The following FAT3 variants were observed in gnomAD, a reference collection of about 807,000 sequenced individuals.
FAT3 encodes protocadherin Fat 3.
Under a neutral mutation model 310.2 loss-of-function variants are expected in FAT3, and 95 were observed. The observed-to-expected ratio is 0.31, with a 90% CI of 0.26 to 0.36. The LOEUF is 0.36. Ranked by LOEUF, FAT3 falls within the 10% of genes least tolerant of loss-of-function variation. FAT3 has a pLI of 1.00. For synonymous variants in FAT3, 2,314 were observed against 2,192.9 expected, an observed-to-expected ratio of 1.06 and a Z score of -1.54; for missense variants, 5,408 against 5,715.6, an observed-to-expected ratio of 0.95 and a Z score of 1.74.
At chr11:92,675,583 C>T (rs1254626329) in intron 3 of FAT3, among the ~76,000 whole-genome samples, 1 of 152,108 alleles carries the variant, frequency 6.6e-6, no homozygotes, top group East Asian at 1.9e-4. Context: ...GTTAAATGTT[C>T]CCAGTAGAGG....
chr11:92,388,757 A>C (rs1026460068), intron 2 of FAT3, among the ~76,000 whole-genome samples: 1 of 152,168 alleles, frequency 6.6e-6, no homozygotes, highest in Non-Finnish European at 1.5e-5. Flanking sequence ...GAATATCCAA[A>C]ATAGTATGGA....
chr11:92,250,161 G>A (rs961320573), intron 1 of FAT3, among the ~76,000 whole-genome samples: 1 of 151,884 alleles, frequency 6.6e-6, no homozygotes, highest in African/African-American at 2.4e-5. Flanking sequence ...GTTTCTTATT[G>A]TTTACAGATA....
At chr11:92,673,291 TTTAAC>T (rs1351201040) in intron 3 of FAT3, among the ~76,000 whole-genome samples, 22 of 152,242 alleles carry the variant, frequency 1.4e-4, no homozygotes, top group African/African-American at 4.3e-4. Context: ...TTATTTATAC[TTTAAC>T]TTAAGTATCC....
intron 17 of FAT3, 103 bp downstream of exon 17, chr11:92,837,909 A>T: frequency 7.2e-7 from 1 of 1,393,350 alleles, no homozygotes; most frequent in South Asian, 1.2e-5. Flanking sequence ...ACTTAATGTC[A>T]TCTCATCCCT....
chr11:92,432,505 C>G (rs1025432713), intron 2 of FAT3, among the ~76,000 whole-genome samples: 1 of 152,172 alleles, frequency 6.6e-6, no homozygotes, highest in African/African-American at 2.4e-5. Context: ...AGTTTTTCTT[C>G]TAACAGTCAG....
At chr11:92,272,591 G>A (rs146777942) in intron 1 of FAT3, among the ~76,000 whole-genome samples, 80 of 152,138 alleles carry the variant, frequency 5.3e-4, no homozygotes, top group Middle Eastern at 6.8e-3. Context: ...ATATTTAAAG[G>A]GGGGAAATCA....
intron 3 of FAT3, among the ~76,000 whole-genome samples, chr11:92,525,999 A>G (rs539803297): frequency 1.4e-4 from 21 of 152,342 alleles, no homozygotes; most frequent in African/African-American, 5.0e-4. Context: ...GAGTGGATCA[A>G]TCATTTTGTT....
intron 2 of FAT3, among the ~76,000 whole-genome samples, chr11:92,487,303 A>T (rs144798111): frequency 6.6e-6 from 1 of 152,176 alleles, no homozygotes; most frequent in Non-Finnish European, 1.5e-5. Flanking sequence ...CAGCACAGGA[A>T]ATAAAACATT....
intron 13 of FAT3, among the ~76,000 whole-genome samples, chr11:92,811,375 T>C (rs1708857075): frequency 6.6e-6 from 1 of 152,050 alleles, no homozygotes; most frequent in African/African-American, 2.4e-5. Context: ...AGCTGAAAGA[T>C]TGGAATTTTT....
chr11:92,367,043 C>G, intron 2 of FAT3: 1 of 504,588 alleles, frequency 2.0e-6, no homozygotes, highest in South Asian at 1.5e-5. Context: ...ACATCTAGCA[C>G]TGTCCGGACG....
At chr11:92,283,968 C>A (rs80015288) in intron 1 of FAT3, among the ~76,000 whole-genome samples, 2 of 152,122 alleles carry the variant, frequency 1.3e-5, no homozygotes, top group African/African-American at 4.8e-5. Context: ...TTTATTAAAT[C>A]TCTTATCTTT....
chr11:92,561,883 C>G (rs1404521268), intron 3 of FAT3, among the ~76,000 whole-genome samples: 1 of 152,158 alleles, frequency 6.6e-6, no homozygotes. Flanking sequence ...ATCTCAGCCT[C>G]CCAAAGTGCT....
intron 2 of FAT3, among the ~76,000 whole-genome samples, chr11:92,467,911 T>C (rs689349): frequency 0.73 from 110,896 of 152,108 alleles, 42,024 homozygotes; most frequent in East Asian, 0.87. Context: ...ACCACTGGGG[T>C]CAGATGTATT....
At position 92,390,597 on chromosome 11, in the gene FAT3, C is replaced by T. The variant is rs76752228; in HGVS notation, c.3292+35193C>T. On this transcript the variant is annotated intron_variant, in intron 2 of 27. Coordinates refer to ENST00000525166, the MANE Select transcript of FAT3 (RefSeq NM_001367949.2). ...GCCCCAAGATTGTGCTGAGCTTTGA[C>T]GTGAACCACTAAGTTTGGGCATTCT... 2.0e-4 allele frequency among the ~76,000 whole-genome samples: 30 copies of T among 152,262 alleles called. No individual in the cohort carries two copies. In the East Asian group the frequency reaches 4.4e-3, roughly 23 times the overall value.
At chr11:92,752,839 C>T (rs371051359) in intron 4 of FAT3, among the ~76,000 whole-genome samples, 15 of 152,180 alleles carry the variant, frequency 9.9e-5, no homozygotes, top group East Asian at 5.8e-4. Flanking sequence ...AATATGCGAT[C>T]GCTCTATCCT....
intron 4 of FAT3, among the ~76,000 whole-genome samples, chr11:92,729,395 A>G (rs562832322): frequency 2.0e-5 from 3 of 151,510 alleles, no homozygotes; most frequent in African/African-American, 7.3e-5. Flanking sequence ...CAGTCATCAC[A>G]CTTATGAACT....
At chr11:92,678,587 G>A (rs1943366768) in intron 3 of FAT3, among the ~76,000 whole-genome samples, 1 of 152,090 alleles carries the variant, frequency 6.6e-6, no homozygotes, top group Non-Finnish European at 1.5e-5. Flanking sequence ...TAGCAAGAAT[G>A]CTGATCTTGA....
chr11:92,352,257 A>G lies in FAT3; in HGVS notation c.145A>G (p.Asn49Asp), dbSNP rs1948588313. 1 of 1,418,882 alleles carries G rather than the reference A, an allele frequency of 7.0e-7. No homozygotes were observed. Among genetic ancestry groups the G allele is most frequent in the South Asian group, 1.1e-5 (1 of 88,526 alleles). 87.9% of individuals were successfully genotyped at this position (1,418,882 alleles called of 1,614,324 possible). Residue 49 changes from asparagine to aspartate, a missense_variant, in exon 2 of 28, where the codon AAT becomes GAT. By Grantham distance (23) the Asn-to-Asp change is conservative. Transcript: ENST00000525166. The part of the protein sequence containing the change: ...LGFHFTHSIY[N>D]ATVYENSAAR... ...CTTCCACTTCACACATTCCATTTATAATGCTACCGTGTATGAGAACTCAGC... is the reference window on the plus strand; with the variant it reads ...CTTCCACTTCACACATTCCATTTATGATGCTACCGTGTATGAGAACTCAGC...
chr11:92,340,244 T>A (rs1948211795), intron 1 of FAT3, among the ~76,000 whole-genome samples: 1 of 152,090 alleles, frequency 6.6e-6, no homozygotes, highest in African/African-American at 2.4e-5. Flanking sequence ...GGGCTAGGAT[T>A]TGTGTAGGTT....
Sources: gnomAD v4.1 joint callset for allele counts (sites outside exome capture counted in the v4.1 genomes callset) on GRCh38, gnomAD v4.1.1 for gene constraint, MANE v1.5 for transcripts, NCBI Gene and HGNC (gene_info 2026-07-23, HGNC 2026-07-21) for gene names.